Variants in KCTD8 observed in about 807,000 individuals in gnomAD.
The protein encoded by KCTD8 is potassium channel tetramerization domain containing 8.
A neutral mutation model predicts 31.5 loss-of-function variants in KCTD8; 27 were observed. The ratio of observed to expected loss-of-function variants is 0.86; its 90% CI spans 0.63 to 1.18. KCTD8 has a LOEUF of 1.18. KCTD8 is among the 50% of genes most tolerant of loss of function. KCTD8 has a pLI of 0.00. For missense variants in KCTD8, 658 were observed against 647.7 expected (o/e 1.02, Z -0.17); for synonymous variants, 290 against 280.0 (o/e 1.04, Z -0.36).
chr4:44,341,283 A>C (rs1416439268), intron 1 of KCTD8, among the ~76,000 whole-genome samples: 2 of 152,200 alleles, frequency 1.3e-5, no homozygotes, highest in Admixed American at 6.5e-5. Flanking sequence ...CCTTGCCTAG[A>C]TGTTGATGGG....
chr4:44,435,140 T>C (rs1721611837), intron 1 of KCTD8, among the ~76,000 whole-genome samples: 1 of 152,012 alleles, frequency 6.6e-6, no homozygotes, highest in Non-Finnish European at 1.5e-5. Flanking sequence ...AAGCAATTTA[T>C]GGGCTCTTTT....
intron 1 of KCTD8, among the ~76,000 whole-genome samples, chr4:44,377,841 C>G (rs1368777090): frequency 6.6e-6 from 1 of 152,086 alleles, no homozygotes; most frequent in Non-Finnish European, 1.5e-5. Context: ...ATTACGTCTT[C>G]TTCTTTCCCT....
At chr4:44,224,319 CTTTA>C (rs902766877) in intron 1 of KCTD8, among the ~76,000 whole-genome samples, 59 of 152,092 alleles carry the variant, frequency 3.9e-4, no homozygotes, top group African/African-American at 1.4e-3. Context: ...CTGACCTCCT[CTTTA>C]TTTATTTGTC....
chr4:44,359,590 C>T (rs974949004), intron 1 of KCTD8, among the ~76,000 whole-genome samples: 6 of 151,918 alleles, frequency 3.9e-5, no homozygotes, highest in Admixed American at 2.0e-4. Context: ...AACACTCAAC[C>T]CAAGTAACTT....
chr4:44,372,372 C>G (rs1719810806), intron 1 of KCTD8, among the ~76,000 whole-genome samples: 1 of 152,120 alleles, frequency 6.6e-6, no homozygotes, highest in Non-Finnish European at 1.5e-5. Flanking sequence ...GTAAATTAGA[C>G]AGATGCACTG....
chr4:44,200,689 G>C (rs1354889854), intron 1 of KCTD8, among the ~76,000 whole-genome samples: 1 of 151,904 alleles, frequency 6.6e-6, no homozygotes, highest in African/African-American at 2.4e-5. Flanking sequence ...GACAAACTGA[G>C]AATGAACATC....
intron 1 of KCTD8, among the ~76,000 whole-genome samples, chr4:44,413,118 C>T (rs1206874315): frequency 6.6e-6 from 1 of 152,088 alleles, no homozygotes; most frequent in Non-Finnish European, 1.5e-5. Context: ...CCTATTTTAA[C>T]AGAATGTATT....
intron 1 of KCTD8, among the ~76,000 whole-genome samples, chr4:44,245,138 C>G (rs1361182546): frequency 1.3e-5 from 2 of 152,032 alleles, no homozygotes; most frequent in Non-Finnish European, 2.9e-5. Context: ...TTGTGACTTT[C>G]AAAGTCTATA....
intron 1 of KCTD8, among the ~76,000 whole-genome samples, chr4:44,264,422 G>A (rs1003139760): frequency 1.3e-5 from 2 of 152,114 alleles, no homozygotes; most frequent in African/African-American, 4.8e-5. Context: ...GCTCATCAGA[G>A]TGTCAGCATT....
In KCTD8 at chr4:44,181,231, TCCCTCTCC is replaced by T. The variant is rs1560387577; in HGVS notation, c.962-5989_962-5982del. Among the ~76,000 whole-genome samples the T allele has an allele frequency of 5.1e-3, 704 of 139,366 alleles. 12 individuals carry two copies. The highest frequency in any genetic ancestry group is 0.021 in the African/African-American group (671 of 31,824). The allele number at this position is 139,366 out of a possible 152,430, so 91.4% of individuals were successfully genotyped here. ...TCCCTCTCCCTCTCTTTCCACGGTC[TCCCTCTCC>T]CTCTCTTTCCACGGTCTCCCTCTCC... On this transcript the variant is annotated intron_variant, in intron 1 of 1. Coordinates refer to ENST00000360029, the MANE Select transcript of KCTD8 (RefSeq NM_198353.3).
intron 1 of KCTD8, among the ~76,000 whole-genome samples, chr4:44,263,312 G>T (rs1046807714): frequency 2.0e-5 from 3 of 152,046 alleles, no homozygotes; most frequent in African/African-American, 7.2e-5. Context: ...CACAAACCAT[G>T]ATCATATCTC....
At chr4:44,264,048 C>T (rs918160058) in intron 1 of KCTD8, among the ~76,000 whole-genome samples, 1 of 152,198 alleles carries the variant, frequency 6.6e-6, no homozygotes, top group Non-Finnish European at 1.5e-5. Flanking sequence ...ATTTTCTCAT[C>T]TGTAAGATTC....
intron 1 of KCTD8, among the ~76,000 whole-genome samples, chr4:44,431,386 A>T (rs547519788): frequency 1.3e-5 from 2 of 151,592 alleles, no homozygotes; most frequent in East Asian, 3.9e-4. Flanking sequence ...CTTCGGGATA[A>T]AGATCTTACT....
chr4:44,427,339 C>A (rs2109474803), intron 1 of KCTD8, among the ~76,000 whole-genome samples: 1 of 150,956 alleles, frequency 6.6e-6, no homozygotes, highest in South Asian at 2.1e-4. Context: ...CTAAGAACTG[C>A]AATATTAGAT....
chr4:44,200,784 A>G (rs1446813805), intron 1 of KCTD8, among the ~76,000 whole-genome samples: 1 of 152,100 alleles, frequency 6.6e-6, no homozygotes, highest in Non-Finnish European at 1.5e-5. Context: ...CCTATTCCAC[A>G]TAGTACTGAA....
At chr4:44,207,488 C>T (rs978538490) in intron 1 of KCTD8, among the ~76,000 whole-genome samples, 3 of 152,148 alleles carry the variant, frequency 2.0e-5, no homozygotes, top group African/African-American at 7.2e-5. Flanking sequence ...TCCCACCTAC[C>T]TTACATATTA....
chr4:44,439,960 C>A (rs1721778007), intron 1 of KCTD8, among the ~76,000 whole-genome samples: 1 of 150,896 alleles, frequency 6.6e-6, no homozygotes, highest in Non-Finnish European at 1.5e-5. Flanking sequence ...TTGACAGAGT[C>A]TCACTCTGTT....
intron 1 of KCTD8, among the ~76,000 whole-genome samples, chr4:44,343,075 A>T (rs1718947417): frequency 6.6e-6 from 1 of 152,152 alleles, no homozygotes; most frequent in Non-Finnish European, 1.5e-5. Context: ...TCCTTCAAGA[A>T]TTTTGCTTTT....
At chr4:44,295,735 C>T (rs1306933534) in intron 1 of KCTD8, among the ~76,000 whole-genome samples, 1 of 152,112 alleles carries the variant, frequency 6.6e-6, no homozygotes, top group East Asian at 1.9e-4. Flanking sequence ...TTTATAGTTG[C>T]ATAAATCCAT....
Sources: allele counts gnomAD v4.1 joint callset (sites outside exome capture counted in the v4.1 genomes callset), GRCh38; gene constraint gnomAD v4.1.1; transcripts MANE v1.5; gene names NCBI Gene and HGNC (gene_info 2026-07-23, HGNC 2026-07-21).